The following ZNF251 variants were observed in gnomAD, a reference collection of about 807,000 sequenced individuals.
ZNF251 encodes the protein zinc finger protein 251.
Under a neutral mutation model 13.5 loss-of-function variants are expected in ZNF251, and 14 were observed. The ratio of observed to expected loss-of-function variants is 1.04; its 90% CI spans 0.69 to 1.63. The LOEUF is 1.63. ZNF251 is among the 40% of genes most tolerant of loss of function. The pLI is 0.00. For missense variants in ZNF251, 764 were observed against 834.9 expected (o/e 0.92, Z 1.05); for synonymous variants, 287 against 295.2 (o/e 0.97, Z 0.28).
intron 2 of ZNF251, 64 bp downstream of exon 2, chr8:144,754,632 G>T: frequency 6.4e-7 from 1 of 1,555,842 alleles, no homozygotes; most frequent in Non-Finnish European, 8.7e-7. Context: ...CTCCAGAGGA[G>T]AGTAGCTTCT....
rs148732292 is a variant in ZNF251 at position 144,739,415 on chromosome 8, C to T, written c.277+14268G>A. ...ATCACAAATCACGACTCCACTCCCC[C>T]GCCTAAACTAGGATCAAAAGGGTTG... On this transcript the variant is annotated intron_variant, in intron 4 of 4. Transcript: ENST00000292562. Among the ~76,000 whole-genome samples, 605 of 152,236 alleles carry T rather than the reference C, an allele frequency of 4.0e-3. 7 individuals are homozygous for T. The highest frequency in any genetic ancestry group is 0.013 in the African/African-American group (560 of 41,534).
chr8:144,744,854 G>A (rs1201533797), intron 4 of ZNF251, among the ~76,000 whole-genome samples: 1 of 152,274 alleles, frequency 6.6e-6, no homozygotes, highest in South Asian at 2.1e-4. Context: ...TCAGCAGTTC[G>A]AGACCAGCAT....
intron 4 of ZNF251, among the ~76,000 whole-genome samples, chr8:144,750,150 G>A (rs1373014638): frequency 1.3e-5 from 2 of 151,972 alleles, no homozygotes; most frequent in African/African-American, 2.4e-5. Context: ...CTCCTGCCAC[G>A]ACTGACTCTG....
At chr8:144,738,268 G>T (rs1823995578) in intron 4 of ZNF251, among the ~76,000 whole-genome samples, 1 of 152,160 alleles carries the variant, frequency 6.6e-6, no homozygotes, top group African/African-American at 2.4e-5. Flanking sequence ...TGCCCATGGG[G>T]TTCTGAACTC....
chr8:144,727,625 G>C (rs1823555863), intron 4 of ZNF251, among the ~76,000 whole-genome samples: 1 of 152,208 alleles, frequency 6.6e-6, no homozygotes, highest in Non-Finnish European at 1.5e-5. Context: ...CATAATTGAA[G>C]AGAGTTGGGG....
Position 144,734,407 on chromosome 8 carries a change from CA to C in ZNF251, c.278-11026del, listed in dbSNP as rs1823816602. On this transcript the variant is annotated intron_variant, in intron 4 of 4. Coordinates refer to ENST00000292562, the MANE Select transcript of ZNF251 (RefSeq NM_138367.2). This position sits in a 1 kb window ranked among gnomAD's most constrained non-coding sequence, Gnocchi z 4.4. Reference sequence around the variant, plus strand: ...ACCGGCTACGATTGGTGGGCAAAAGCAAATGCCCTGAGCACCCGGTTCCTGC... The same window carrying C: ...ACCGGCTACGATTGGTGGGCAAAAGCAATGCCCTGAGCACCCGGTTCCTGC... Among the ~76,000 whole-genome samples, 1 of 152,242 alleles carries C rather than the reference CA, an allele frequency of 6.6e-6. No homozygotes were observed. Among genetic ancestry groups the C allele is most frequent in the African/African-American group, 2.4e-5 (1 of 41,468 alleles).
chr8:144,728,556 G>A (rs775788157), intron 4 of ZNF251, among the ~76,000 whole-genome samples: 8 of 151,578 alleles, frequency 5.3e-5, no homozygotes, highest in South Asian at 4.2e-4. Context: ...CCAGCTACCC[G>A]GGAGGCTGAG....
At chr8:144,750,985 G>T (rs901108664) in intron 4 of ZNF251, among the ~76,000 whole-genome samples, 1 of 151,916 alleles carries the variant, frequency 6.6e-6, no homozygotes, top group Non-Finnish European at 1.5e-5. Context: ...GAGTAGCTGG[G>T]ATTACAGGAA....
intron 4 of ZNF251, among the ~76,000 whole-genome samples, chr8:144,750,846 G>GTTTTTT (rs58473905): frequency 2.8e-5 from 4 of 141,314 alleles, no homozygotes; most frequent in Non-Finnish European, 4.6e-5. Flanking sequence ...TCTCTCCAGA[G>GTTTTTT]TTTTTTTTTT....
At chr8:144,729,573 C>T (rs926443860) in intron 4 of ZNF251, among the ~76,000 whole-genome samples, 8 of 152,110 alleles carry the variant, frequency 5.3e-5, no homozygotes, top group South Asian at 4.1e-4. Context: ...CCTGACCTCG[C>T]CATCCACCCG....
intron 4 of ZNF251, among the ~76,000 whole-genome samples, chr8:144,750,866 T>C (rs185003773): frequency 6.6e-6 from 1 of 151,468 alleles, no homozygotes; most frequent in Non-Finnish European, 1.5e-5. Flanking sequence ...TTTCTTTTTT[T>C]TTTTTTAGAG....
intron 4 of ZNF251, among the ~76,000 whole-genome samples, 163 bp from the exon 5 acceptor site, chr8:144,723,545 C>G (rs1046192009): frequency 2.0e-5 from 3 of 152,146 alleles, no homozygotes; most frequent in Non-Finnish European, 4.4e-5. Context: ...GATGGCCAAT[C>G]AACAGGATAA....
intron 4 of ZNF251, among the ~76,000 whole-genome samples, chr8:144,744,007 GTCT>G (rs1296747263): frequency 2.5e-5 from 3 of 121,224 alleles, no homozygotes; most frequent in Admixed American, 8.7e-5. Flanking sequence ...TTCTCTCGTT[GTCT>G]TTTTTTTTTT....
intron 4 of ZNF251, among the ~76,000 whole-genome samples, chr8:144,738,915 A>G (rs1281884628): frequency 6.6e-6 from 1 of 152,100 alleles, no homozygotes; most frequent in Non-Finnish European, 1.5e-5. Context: ...TTAGTCTGCA[A>G]GGGATCACAA....
Position 144,722,205 on chromosome 8 carries a change from T to C in ZNF251, c.1455A>G (p.Gly485=), listed in dbSNP as rs373384034. The change falls in exon 5 of 5, where the codon GGA becomes GGG. Residue 485 remains glycine, a synonymous_variant. Coordinates refer to ENST00000292562, the MANE Select transcript of ZNF251 (RefSeq NM_138367.2). This position sits in a 1 kb window ranked among gnomAD's most constrained non-coding sequence, Gnocchi z 4.8. The part of the protein sequence containing the change: ...QLTLHQRVHT[G]EKPYDCGDCG... ...AGTCACCACAGTCATAGGGCTTCTC[T>C]CCAGTGTGAACTCGCTGATGTAGGG... is the stretch of plus-strand genomic sequence containing the variant. 1.2e-5 allele frequency: 19 copies of C among 1,614,060 alleles called. No homozygotes were observed. Among genetic ancestry groups the C allele is most frequent in the Non-Finnish European group, 1.6e-5 (19 of 1,179,994 alleles).
In ZNF251 at chr8:144,721,093, C is replaced by A. The variant is rs1823361481; in HGVS notation, c.*551G>T. The A allele has an allele frequency of 6.5e-6, 1 of 154,374 alleles. No homozygotes were observed. Among genetic ancestry groups the A allele is most frequent in the Non-Finnish European group, 1.4e-5 (1 of 69,688 alleles). 9.6% of individuals were successfully genotyped at this position (154,374 alleles called of 1,614,324 possible). On this transcript the variant is annotated 3_prime_UTR_variant, in exon 5 of 5. Coordinates refer to ENST00000292562, the MANE Select transcript of ZNF251 (RefSeq NM_138367.2). ...GCTCCTTAGAACCAAAACCAAACCA[C>A]CTTTCATTTTAATGAAAATGAAATG...
chr8:144,754,461 G>T, intron 2 of ZNF251, 140 bp from the exon 3 acceptor site: 1 of 1,444,496 alleles, frequency 6.9e-7, no homozygotes, highest in Non-Finnish European at 9.1e-7. Context: ...GTCCCTGATG[G>T]GGCAGCTGAG....
In ZNF251 at chr8:144,722,119, T is replaced by C. The variant is rs116642898; in HGVS notation, c.1541A>G (p.Glu514Gly). Residue 514 changes from glutamate to glycine, a missense_variant, in exon 5 of 5, where the codon GAG becomes GGG. Transcript: ENST00000292562. The surrounding 1 kb of genome is among the most constrained non-coding windows in gnomAD (Gnocchi z 4.8). ...LIQHQKVHSG[E>G]TRKCRKHGPA... ...ACCATGTTTTCTGCACTTACGAGTCTCTCCGCTGTGAACTTTCTGATGCTG... is the reference window on the plus strand; with the variant it reads ...ACCATGTTTTCTGCACTTACGAGTCCCTCCGCTGTGAACTTTCTGATGCTG... The C allele has an allele frequency of 1.2e-6, 2 of 1,614,068 alleles. No homozygotes were observed. The highest frequency in any genetic ancestry group is 1.3e-5 in the African/African-American group (1 of 75,024).
rs147333434 is a variant in ZNF251 at position 144,746,009 on chromosome 8, C to G, written c.277+7674G>C. 5.2e-3 allele frequency among the ~76,000 whole-genome samples: 787 copies of G among 152,278 alleles called. 8 individuals carry two copies. Among genetic ancestry groups the G allele is most frequent in the African/African-American group, 0.018 (759 of 41,550 alleles). ...TGTATTTTTCCTCACAGATTTTGTA[C>G]ATATTTTGTTAGACTTACACCTCAG... On this transcript the variant is annotated intron_variant, in intron 4 of 4. Coordinates refer to ENST00000292562, the MANE Select transcript of ZNF251 (RefSeq NM_138367.2).
Sources: allele counts gnomAD v4.1 joint callset (sites outside exome capture counted in the v4.1 genomes callset), GRCh38; gene constraint gnomAD v4.1.1; non-coding constraint Gnocchi (gnomAD v3.1); transcripts MANE v1.5; gene names NCBI Gene and HGNC (gene_info 2026-07-23, HGNC 2026-07-21).